The following MAP2K5 variants were observed in gnomAD, a reference collection of about 807,000 sequenced individuals.
MAP2K5 encodes the protein dual specificity mitogen-activated protein kinase kinase 5.
Under a neutral mutation model 83.1 loss-of-function variants are expected in MAP2K5, and 49 were observed. The ratio of observed to expected loss-of-function variants is 0.59; its 90% CI spans 0.47 to 0.75. The LOEUF (loss-of-function observed/expected upper bound fraction) is 0.75, where lower values mean the gene tolerates loss of function less well. Among genes scored for constraint, MAP2K5 ranks in the 30% least tolerant of loss-of-function variants. MAP2K5 has a pLI of 0.00. For synonymous variants in MAP2K5, 202 were observed against 191.8 expected, an observed-to-expected ratio of 1.05 and a Z score of -0.44; for missense variants, 457 against 557.5, an observed-to-expected ratio of 0.82 and a Z score of 1.82.
At chr15:67,763,270 A>G (rs1392237805) in intron 19 of MAP2K5, among the ~76,000 whole-genome samples, 1 of 152,038 alleles carries the variant, frequency 6.6e-6, no homozygotes, top group African/African-American at 2.4e-5. Flanking sequence ...CCAAATGCTG[A>G]TTGTTCCTTC....
At chr15:67,575,101 C>CA (rs1470549223) in intron 3 of MAP2K5, among the ~76,000 whole-genome samples, 2 of 152,012 alleles carry the variant, frequency 1.3e-5, no homozygotes, top group Non-Finnish European at 2.9e-5. Context: ...AGGCTCTGCA[C>CA]AATCAACTGG....
At position 67,769,458 on chromosome 15, in the gene MAP2K5, G is replaced by C. The variant is rs2090100578; in HGVS notation, c.1135-144G>C. 1.4e-6 allele frequency: 1 copy of C among 689,858 alleles called. No individual in the cohort carries two copies. Among genetic ancestry groups the C allele is most frequent in the Non-Finnish European group, 2.5e-6 (1 of 397,810 alleles). The allele number at this position is 689,858 out of a possible 1,614,324, so 42.7% of individuals were successfully genotyped here. On this transcript the variant is annotated intron_variant, in intron 19 of 21. Coordinates refer to ENST00000178640, the MANE Select transcript of MAP2K5 (RefSeq NM_145160.3). This position sits in a 1 kb window ranked among gnomAD's most constrained non-coding sequence, Gnocchi z 5.2. ...TCTTTACCTAAATGTGTGGAATAAG[G>C]TAAAGACAGTCTTTTTAATTGGGTG...
intron 9 of MAP2K5, among the ~76,000 whole-genome samples, chr15:67,642,918 G>C (rs2086745182): frequency 1.3e-5 from 2 of 152,178 alleles, no homozygotes; most frequent in South Asian, 4.1e-4. Context: ...TGGTGGCCTG[G>C]AGATGCAATA....
chr15:67,645,922 G>A (rs1418254754), intron 9 of MAP2K5, among the ~76,000 whole-genome samples: 2 of 152,068 alleles, frequency 1.3e-5, no homozygotes, highest in African/African-American at 4.8e-5. Context: ...TAGCCAATGT[G>A]GCTAAAATAG....
intron 16 of MAP2K5, among the ~76,000 whole-genome samples, chr15:67,723,169 C>G (rs1443903585): frequency 6.6e-6 from 1 of 152,110 alleles, no homozygotes; most frequent in Non-Finnish European, 1.5e-5. Flanking sequence ...TTTTTATTAT[C>G]AACAAAAGCC....
chr15:67,548,899 A>C (rs2084449078), intron 1 of MAP2K5: 1 of 635,558 alleles, frequency 1.6e-6, no homozygotes, highest in East Asian at 3.4e-5. Flanking sequence ...TTTTATATGC[A>C]CAGATTTATT....
intron 21 of MAP2K5, among the ~76,000 whole-genome samples, chr15:67,788,704 T>C (rs1320782345): frequency 6.6e-6 from 1 of 152,152 alleles, no homozygotes; most frequent in Non-Finnish European, 1.5e-5. Context: ...TGGCCAGACA[T>C]GGTGGATCAT....
chr15:67,669,289 A>G (rs1246315732), intron 13 of MAP2K5, among the ~76,000 whole-genome samples: 1 of 152,156 alleles, frequency 6.6e-6, no homozygotes, highest in Admixed American at 6.6e-5. Flanking sequence ...AGTAAGTAAA[A>G]TACGGAGTGT....
intron 2 of MAP2K5, among the ~76,000 whole-genome samples, chr15:67,556,575 G>A (rs1305237345): frequency 2.7e-5 from 4 of 145,714 alleles, no homozygotes; most frequent in Admixed American, 1.4e-4. Flanking sequence ...TTTTTGAGAT[G>A]GAGTCTTGCT....
intron 8 of MAP2K5, among the ~76,000 whole-genome samples, chr15:67,625,758 G>T (rs1388467090): frequency 1.3e-5 from 2 of 152,168 alleles, no homozygotes; most frequent in African/African-American, 2.4e-5. Flanking sequence ...AAACCACATA[G>T]CATCTTTATT....
chr15:67,781,307 C>G lies in MAP2K5; in HGVS notation c.1242+8555C>G, dbSNP rs1456699920. 6.6e-6 allele frequency among the ~76,000 whole-genome samples: 1 copy of G among 152,128 alleles called. No homozygotes were observed. Among genetic ancestry groups the G allele is most frequent in the African/African-American group, 2.4e-5 (1 of 41,428 alleles). ...AAGAGCTGGGGAAAATATTAGAAAG[C>G]TCCTATTTACAGTTGTGCCAGCTGG... On this transcript the variant is annotated intron_variant, in intron 21 of 21. Transcript: ENST00000178640. This position sits in a 1 kb window ranked among gnomAD's most constrained non-coding sequence, Gnocchi z 4.0.
In MAP2K5 at chr15:67,750,882, A is replaced by G. The variant is rs559079820; in HGVS notation, c.1134+2281A>G. Reference sequence around the variant, plus strand: ...TGGGTATCTGTTGCTAGTATATACTATTTCCTGTTAGAGAAAAGTCAGATC... The same window carrying G: ...TGGGTATCTGTTGCTAGTATATACTGTTTCCTGTTAGAGAAAAGTCAGATC... On this transcript the variant is annotated intron_variant, in intron 19 of 21. Coordinates refer to ENST00000178640, the MANE Select transcript of MAP2K5 (RefSeq NM_145160.3). The surrounding 1 kb of genome is among the most constrained non-coding windows in gnomAD (Gnocchi z 4.2). Among the ~76,000 whole-genome samples the G allele has an allele frequency of 2.6e-5, 4 of 152,134 alleles. No homozygotes were observed. The highest frequency in any genetic ancestry group is 4.8e-5 in the African/African-American group (2 of 41,490).
At chr15:67,703,656 G>A (rs2088476017) in intron 16 of MAP2K5, among the ~76,000 whole-genome samples, 1 of 152,048 alleles carries the variant, frequency 6.6e-6, no homozygotes, top group Admixed American at 6.6e-5. Flanking sequence ...TAAAAATACA[G>A]ATTCTTCAAC....
intron 16 of MAP2K5, among the ~76,000 whole-genome samples, chr15:67,712,159 C>A (rs1218087837): frequency 6.6e-6 from 1 of 152,186 alleles, no homozygotes; most frequent in East Asian, 1.9e-4. Flanking sequence ...AATGTTGAGA[C>A]CTCCCACCCT....
intron 21 of MAP2K5, among the ~76,000 whole-genome samples, chr15:67,805,499 G>A (rs2090785477): frequency 6.6e-6 from 1 of 152,240 alleles, no homozygotes; most frequent in Non-Finnish European, 1.5e-5. Context: ...CTCTAGGGCT[G>A]CAGTCAAGGC....
In MAP2K5 at chr15:67,750,003, A is replaced by G. The variant is rs114433191; in HGVS notation, c.1134+1402A>G. 0.011 allele frequency among the ~76,000 whole-genome samples: 1,653 copies of G among 152,284 alleles called. 39 individuals carry two copies. Among genetic ancestry groups the G allele is most frequent in the African/African-American group, 0.037 (1,545 of 41,548 alleles). On this transcript the variant is annotated intron_variant, in intron 19 of 21. Transcript: ENST00000178640. This position sits in a 1 kb window ranked among gnomAD's most constrained non-coding sequence, Gnocchi z 4.2. ...GGTAAAGGCATTCCTCACCAATACT[A>G]TGTGTGTTTCTCATTTGAATGTTTT... is the stretch of plus-strand genomic sequence containing the variant.
At position 67,572,520 on chromosome 15, in the gene MAP2K5, T is replaced by C. The variant is rs1461534465; in HGVS notation, c.253-8234T>C. ...GAAAGTAAAGTGGTGAAAGAATAGC[T>C]ACTCACTCCATAGAGTAGGACGTTC... On this transcript the variant is annotated intron_variant, in intron 3 of 21. Transcript: ENST00000178640. The surrounding 1 kb of genome is among the most constrained non-coding windows in gnomAD (Gnocchi z 4.2). Among the ~76,000 whole-genome samples the C allele has an allele frequency of 6.6e-6, 1 of 152,098 alleles. No homozygotes were observed. The highest frequency in any genetic ancestry group is 1.5e-5 in the Non-Finnish European group (1 of 68,026).
intron 13 of MAP2K5, among the ~76,000 whole-genome samples, chr15:67,688,366 G>A (rs2088011407): frequency 6.6e-6 from 1 of 152,238 alleles, no homozygotes; most frequent in South Asian, 2.1e-4. Context: ...TTTAGCTGCT[G>A]TGTTGAACAC....
chr15:67,776,171 C>G (rs2090234275), intron 21 of MAP2K5, among the ~76,000 whole-genome samples: 1 of 152,174 alleles, frequency 6.6e-6, no homozygotes, highest in South Asian at 2.1e-4. Flanking sequence ...CAAGAACATT[C>G]AGCATACCGA....
Sources: gnomAD v4.1 joint callset for allele counts (sites outside exome capture counted in the v4.1 genomes callset) on GRCh38, gnomAD v4.1.1 for gene constraint, Gnocchi (gnomAD v3.1) non-coding constraint, MANE v1.5 for transcripts, NCBI Gene and HGNC (gene_info 2026-07-23, HGNC 2026-07-21) for gene names.